The following ATM variants were observed in gnomAD, a reference collection of about 807,000 sequenced individuals.
The protein encoded by ATM is serine-protein kinase ATM.
A neutral mutation model predicts 387.0 loss-of-function variants in ATM; 308 were observed. The ratio of observed to expected loss-of-function variants is 0.80; its 90% confidence interval spans 0.73 to 0.87. The LOEUF (loss-of-function observed/expected upper bound fraction) is 0.87. Among genes scored for constraint, ATM ranks in the 40% least tolerant of loss-of-function variants. The pLI is 0.00. For synonymous variants in ATM, 1,156 were observed against 1,187.3 expected (o/e 0.97, Z 0.54); for missense variants, 3,312 against 3,560.9 (o/e 0.93, Z 1.78).
intron 5 of ATM, among the ~76,000 whole-genome samples, chr11:108,241,012 T>C (rs567063704): frequency 3.3e-5 from 5 of 152,312 alleles, no homozygotes; most frequent in Admixed American, 2.6e-4. Context: ...GTTTTTTCTT[T>C]TGTTCTATAA....
chr11:108,330,316 T>A lies in ATM; in HGVS notation c.7410T>A (p.Tyr2470Ter), dbSNP rs1555123144. ...KRFLCKAVEN[Y>*]INCLLSGEEH... Reference sequence around the variant, plus strand: ...TCTTATGTAAAGCAGTTGAAAATTATATCAACTGCTTATTAAGTGGAGAAG... The same window carrying A: ...TCTTATGTAAAGCAGTTGAAAATTAAATCAACTGCTTATTAAGTGGAGAAG... The change falls in exon 50 of 63, where the codon TAT becomes TAA. Residue 2470 changes from tyrosine (Y) to a stop codon, truncating the protein, a stop_gained. Coordinates refer to ENST00000675843, the MANE Select transcript of ATM (RefSeq NM_000051.4). LOFTEE classifies it high-confidence loss of function. 6.2e-7 allele frequency: 1 copy of A among 1,614,216 alleles called. No homozygotes were observed. The highest frequency in any genetic ancestry group is 2.2e-5 in the East Asian group (1 of 44,878).
rs771607956 is a variant in ATM, at chr11:108,332,794, T to C, written c.7821T>C (p.Cys2607=). ...DRTEAANRII[C]TIRSRRPQMV... ...CAGAGGCTGCAAATAGAATAATATG[T>C]ACTATCAGAAGTAGGAGACCTCAGA... The change falls in exon 53 of 63, where the codon TGT becomes TGC. Residue 2607 remains cysteine (C), a synonymous_variant. Transcript: ENST00000675843. The C allele has an allele frequency of 1.9e-6, 3 of 1,613,376 alleles. No individual in the cohort carries two copies. The Admixed American group carries it at 5.0e-5, about 27-fold the overall frequency.
chr11:108,268,374 C>G (rs752861710), intron 17 of ATM, 36 bp from the exon 18 acceptor site: 1 of 1,595,526 alleles, frequency 6.3e-7, no homozygotes, highest in Admixed American at 1.7e-5. Context: ...CTGTTGTGCC[C>G]TTCTCTTAGT....
rs587781897 is a variant in ATM at position 108,333,888 on chromosome 11, G to A, written c.7930G>A (p.Gly2644Ser). Residue 2644 changes from glycine to serine, a missense_variant and splice_region_variant, in exon 54 of 63, where the codon GGC (glycine) becomes AGC (serine). This residue lies in a region of ATM where 1,405 missense variants were observed against 1,604.4 expected (regional missense o/e 0.88). Coordinates refer to ENST00000675843, the MANE Select transcript of ATM (RefSeq NM_000051.4). ...DATQWKTQRKGINIPADQPIT... is the reference protein window; with the variant it reads ...DATQWKTQRKSINIPADQPIT... ...AATCTCTTCATTTTTAAATACAGAA[G>A]GCATAAATATTCCAGCAGACCAGCC... 2.5e-6 allele frequency: 4 copies of A among 1,601,184 alleles called. No individual in the cohort carries two copies. Among genetic ancestry groups the A allele is most frequent in the Admixed American group, 3.3e-5 (2 of 59,982 alleles).
chr11:108,360,711 A>G (rs1433536320), intron 61 of ATM, among the ~76,000 whole-genome samples: 4 of 144,602 alleles, frequency 2.8e-5, no homozygotes, highest in African/African-American at 1.0e-4. Flanking sequence ...GATTATCTCA[A>G]TAGATGCAGA....
chr11:108,272,937 T>C (rs762143641), intron 22 of ATM, 85 bp downstream of exon 22: 7 of 1,542,476 alleles, frequency 4.5e-6, no homozygotes, highest in Non-Finnish European at 6.2e-6. Flanking sequence ...ACAGTTGCAA[T>C]ATTAAAAATA....
chr11:108,228,844 A>G (rs111746337), intron 3 of ATM, among the ~76,000 whole-genome samples: 2,592 of 152,364 alleles, frequency 0.017, 43 homozygotes, highest in Middle Eastern at 0.065. Context: ...AGAAACAGGT[A>G]GATCCTGTAC....
intron 3 of ATM, among the ~76,000 whole-genome samples, 169 bp downstream of exon 3, chr11:108,228,057 A>C (rs1023716540): frequency 2.0e-5 from 3 of 152,300 alleles, no homozygotes; most frequent in Middle Eastern, 3.4e-3. Flanking sequence ...ATAATTTTTA[A>C]AGGTTGTTCA....
chr11:108,292,655 C>T lies in ATM; in HGVS notation c.4473C>T (p.Phe1491=), dbSNP rs4988008. 2,879 of 1,613,764 alleles carry T rather than the reference C, an allele frequency of 1.8e-3. 3 individuals carry two copies. The highest frequency in any genetic ancestry group is 2.2e-3 in the Non-Finnish European group (2,592 of 1,179,934). The change falls in exon 30 of 63, where the codon TTC becomes TTT. Residue 1491 remains phenylalanine (F), a synonymous_variant. Transcript: ENST00000675843. The stretch of plus-strand genomic sequence containing the variant: ...TCATGGATGTGTCATTACGTAGCTT[C>T]TCCCTTTGTTGTGACTTATTAAGTC... The part of the protein sequence containing the change: ...SCIMDVSLRS[F]SLCCDLLSQV...
At chr11:108,275,687 G>C (rs909822847) in intron 22 of ATM, among the ~76,000 whole-genome samples, 1 of 152,102 alleles carries the variant, frequency 6.6e-6, no homozygotes. Context: ...TTGAATATTG[G>C]CCCCCACTCT....
chr11:108,265,077 A>G (rs2081146097), intron 16 of ATM, among the ~76,000 whole-genome samples: 1 of 149,780 alleles, frequency 6.7e-6, no homozygotes, highest in Non-Finnish European at 1.5e-5. Context: ...TTACAGATTC[A>G]ATGGCATCCC....
intron 54 of ATM, among the ~76,000 whole-genome samples, 160 bp from the exon 55 acceptor site, chr11:108,334,809 C>T (rs765040378): frequency 2.6e-5 from 4 of 152,136 alleles, no homozygotes; most frequent in African/African-American, 7.2e-5. Context: ...AAGTTACGAG[C>T]GTGAGCCACC....
At chr11:108,278,456 T>G (rs996897182) in intron 22 of ATM, among the ~76,000 whole-genome samples, 2 of 152,224 alleles carry the variant, frequency 1.3e-5, no homozygotes, top group Non-Finnish European at 2.9e-5. Flanking sequence ...AAGAATAACA[T>G]GCAAGTAGCA....
intron 4 of ATM, among the ~76,000 whole-genome samples, chr11:108,234,469 C>G (rs996881788): frequency 6.6e-6 from 1 of 151,992 alleles, no homozygotes; most frequent in Non-Finnish European, 1.5e-5. Flanking sequence ...ATTTTGTTAC[C>G]TTCAAGAATA....
At chr11:108,301,237 A>G (rs2083416447) in intron 34 of ATM, among the ~76,000 whole-genome samples, 1 of 152,228 alleles carries the variant, frequency 6.6e-6, no homozygotes, top group Admixed American at 6.5e-5. Context: ...TAAGAATACT[A>G]GGAAGCAGGT....
At chr11:108,246,119 C>T (rs940866825) in intron 7 of ATM, among the ~76,000 whole-genome samples, 6 of 151,898 alleles carry the variant, frequency 4.0e-5, no homozygotes, top group African/African-American at 1.2e-4. Flanking sequence ...CCACTGTGCC[C>T]GGCCGTGTAG....
chr11:108,230,471 A>G (rs1201354122), intron 4 of ATM: 1 of 152,196 alleles, frequency 6.6e-6, no homozygotes, highest in African/African-American at 2.4e-5. Flanking sequence ...CTGAGAGTAT[A>G]TCAAAAACTC....
At chr11:108,349,519 C>T (rs146653112) in intron 59 of ATM, among the ~76,000 whole-genome samples, 1,885 of 152,176 alleles carry the variant, frequency 0.012, 49 homozygotes, top group African/African-American at 0.042. Flanking sequence ...AAAAATTAGC[C>T]GGGCGAGGTG....
intron 61 of ATM, among the ~76,000 whole-genome samples, chr11:108,362,530 C>T (rs1360659623): frequency 6.7e-6 from 1 of 149,456 alleles, no homozygotes; most frequent in African/African-American, 2.5e-5. Flanking sequence ...TTCACAATAG[C>T]AAAGACTTGG....
Sources: gnomAD v4.1 joint callset for allele counts (sites outside exome capture counted in the v4.1 genomes callset) on GRCh38, gnomAD v4.1.1 for gene constraint, gnomAD v4.1.1 regional missense constraint, MANE v1.5 for transcripts, NCBI Gene and HGNC (gene_info 2026-07-23, HGNC 2026-07-21) for gene names.